Variants in BFAR observed in about 807,000 individuals in gnomAD.
BFAR encodes bifunctional apoptosis regulator, also known as RING finger protein 47.
A neutral mutation model predicts 54.4 loss-of-function variants in BFAR; 52 were observed. The observed-to-expected ratio is 0.96, with a 90% CI of 0.77 to 1.21. BFAR has a LOEUF of 1.21. BFAR is among the 50% of genes most tolerant of loss of function. The pLI, the probability that BFAR is intolerant of heterozygous loss-of-function variation, is 0.00. For synonymous variants in BFAR, 215 were observed against 204.3 expected (o/e 1.05, Z -0.45); for missense variants, 571 against 534.0 (o/e 1.07, Z -0.68).
chr16:14,651,377 A>G (rs560335470), intron 4 of BFAR, among the ~76,000 whole-genome samples: 3 of 152,346 alleles, frequency 2.0e-5, no homozygotes, highest in African/African-American at 7.2e-5. Context: ...GTATGGGGGA[A>G]GGGGCACAGA....
rs977472039 is a variant in BFAR at position 14,648,394 on chromosome 16, C to T, written c.270C>T (p.Ala90=). 6 of 1,610,602 alleles carry T rather than the reference C, an allele frequency of 3.7e-6. No homozygotes were observed. Among genetic ancestry groups the T allele is most frequent in the Non-Finnish European group, 5.1e-6 (6 of 1,177,338 alleles). The change falls in exon 3 of 8, where the codon GCC becomes GCT. Residue 90 remains alanine (A), a synonymous_variant. Transcript: ENST00000261658. The part of the protein sequence containing the change: ...FPKVSILLRD[A]IEKLFPDAIR... ...TTTTTTCTATTCTCCATAGGGATGC[C>T]ATTGAAAAGTTATTTCCTGATGCCA... is the stretch of plus-strand genomic sequence containing the variant.
At chr16:14,634,751 A>G (rs1959380216) in intron 1 of BFAR, among the ~76,000 whole-genome samples, 1 of 152,232 alleles carries the variant, frequency 6.6e-6, no homozygotes, top group South Asian at 2.1e-4. Context: ...TAGGAAGTTT[A>G]GGAAGAATAA....
intron 5 of BFAR, among the ~76,000 whole-genome samples, chr16:14,656,323 C>A (rs980391030): frequency 6.6e-6 from 1 of 152,076 alleles, no homozygotes; most frequent in African/African-American, 2.4e-5. Context: ...CTCAGGAGTT[C>A]AAGACTAGCC....
chr16:14,647,224 A>G (rs1018572758), intron 2 of BFAR, among the ~76,000 whole-genome samples: 7 of 151,990 alleles, frequency 4.6e-5, no homozygotes, highest in Non-Finnish European at 8.8e-5. Flanking sequence ...AGCTGGGATT[A>G]CAGGCGCCCA....
Position 14,668,677 on chromosome 16 carries a change from C to A in BFAR, c.*850C>A, listed in dbSNP as rs1009311956. On this transcript the variant is annotated 3_prime_UTR_variant, in exon 8 of 8. Transcript: ENST00000261658. ...CTTGGCCAACATGGTGAAACCTCAT[C>A]TCTACTAAAAATACAAAAATTAGCC... The A allele has an allele frequency of 2.0e-5, 3 of 153,766 alleles. No individual in the cohort carries two copies. The highest frequency in any genetic ancestry group is 7.2e-5 in the African/African-American group (3 of 41,416). 9.5% of individuals were successfully genotyped at this position (153,766 alleles called of 1,614,324 possible). A position where few individuals can be genotyped will look rare whatever the true frequency, so the allele number is the denominator to read the frequency against.
chr16:14,635,810 T>G (rs1213999652), intron 1 of BFAR, among the ~76,000 whole-genome samples: 3 of 152,130 alleles, frequency 2.0e-5, no homozygotes, highest in Non-Finnish European at 4.4e-5. Flanking sequence ...TTTAATATTT[T>G]TAGTAGATAC....
chr16:14,657,358 C>T (rs930908290), intron 5 of BFAR, among the ~76,000 whole-genome samples: 1 of 151,886 alleles, frequency 6.6e-6, no homozygotes, highest in East Asian at 2.0e-4. Context: ...ACGCCATTCT[C>T]CTGCCTCAGC....
At chr16:14,662,569 G>T (rs1014759670) in intron 6 of BFAR, among the ~76,000 whole-genome samples, 1 of 152,060 alleles carries the variant, frequency 6.6e-6, no homozygotes, top group Admixed American at 6.6e-5. Flanking sequence ...TCCCAGGCTG[G>T]AGTACAGTGG....
chr16:14,649,849 G>A lies in BFAR; in HGVS notation c.514G>A (p.Asp172Asn), dbSNP rs1206475035. Residue 172 changes from aspartate (D) to asparagine (N), a missense_variant, in exon 4 of 8, where the codon GAC (aspartate) becomes AAC (asparagine). Coordinates refer to ENST00000261658, the MANE Select transcript of BFAR (RefSeq NM_016561.3). ...YHWSSRESEH[D>N]LLVHKAVAKW... is the part of the protein sequence containing the mutation. ...CTGGAGCAGCAGGGAATCTGAACAC[G>A]ACCTCCTGGTCCACAAGGCTGTGGC... is the stretch of plus-strand genomic sequence containing the variant. 1.1e-5 allele frequency: 17 copies of A among 1,612,002 alleles called. No homozygotes were observed. Among genetic ancestry groups the A allele is most frequent in the Admixed American group, 5.0e-5 (3 of 59,760 alleles).
Position 14,644,490 on chromosome 16 carries a change from C to G in BFAR, c.144C>G (p.Asn48Lys). The G allele has an allele frequency of 6.2e-7, 1 of 1,614,122 alleles. No individual in the cohort carries two copies. The highest frequency in any genetic ancestry group is 1.1e-5 in the South Asian group (1 of 91,078). ...TCCTGGTTAACCCCACCACCTTGAA[C>G]TGTGGGCACAGCTTCTGCCGTCACT... is the stretch of plus-strand genomic sequence containing the variant. The part of the protein sequence containing the change: ...YDILVNPTTL[N>K]CGHSFCRHCL... Residue 48 changes from asparagine (N) to lysine (K), a missense_variant, in exon 2 of 8, where the codon AAC becomes AAG. Transcript: ENST00000261658.
At chr16:14,654,493 CTTTTTTT>C (rs55673619) in intron 4 of BFAR, among the ~76,000 whole-genome samples, 35 of 89,160 alleles carry the variant, frequency 3.9e-4, no homozygotes, top group Non-Finnish European at 4.9e-4. Context: ...GTGAGTTTTC[CTTTTTTT>C]TTTTTTTTTT....
chr16:14,658,712 G>A (rs976324737), intron 5 of BFAR, among the ~76,000 whole-genome samples: 1 of 151,174 alleles, frequency 6.6e-6, no homozygotes, highest in Non-Finnish European at 1.5e-5. Flanking sequence ...CAGCCTGGGT[G>A]GCAGACCGAG....
chr16:14,651,338 G>T (rs577584046), intron 4 of BFAR, among the ~76,000 whole-genome samples: 1 of 152,290 alleles, frequency 6.6e-6, no homozygotes, highest in East Asian at 1.9e-4. Flanking sequence ...TATTGCAAAA[G>T]ATACAGATAA....
intron 4 of BFAR, among the ~76,000 whole-genome samples, chr16:14,654,223 G>A (rs1217939301): frequency 6.6e-6 from 1 of 151,756 alleles, no homozygotes; most frequent in Non-Finnish European, 1.5e-5. Context: ...GTGTTAGCCA[G>A]GATGGTCTTG....
Position 14,662,088 on chromosome 16 carries a change from A to T in BFAR, c.957+23A>T, listed in dbSNP as rs769618453. On this transcript the variant is annotated intron_variant, in intron 6 of 7. Transcript: ENST00000261658. ...CTGGTAGGTCTGCACAGTGCCTGGA[A>T]TAAAGTTATTCCACTGTCAAGTTAT... 6 of 1,612,740 alleles carry T rather than the reference A, an allele frequency of 3.7e-6. No individual in the cohort carries two copies. The African/African-American group carries it at 6.7e-5, about 18-fold the overall frequency.
chr16:14,635,760 CTTTTTT>C (rs879348101), intron 1 of BFAR, among the ~76,000 whole-genome samples: 2 of 144,762 alleles, frequency 1.4e-5, no homozygotes, highest in South Asian at 2.2e-4. Context: ...GCTTCTCTCT[CTTTTTT>C]TTTTTTTAAG....
intron 5 of BFAR, among the ~76,000 whole-genome samples, chr16:14,657,188 G>C (rs963830708): frequency 3.9e-5 from 6 of 152,052 alleles, no homozygotes; most frequent in Non-Finnish European, 8.8e-5. Context: ...AAGAATGTGC[G>C]TGGAGCTCCT....
Position 14,664,980 on chromosome 16 carries a change from T to G in BFAR, c.1069T>G (p.Trp357Gly). 6 of 1,614,028 alleles carry G rather than the reference T, an allele frequency of 3.7e-6. No homozygotes were observed. The highest frequency in any genetic ancestry group is 5.1e-6 in the Non-Finnish European group (6 of 1,179,852). Reference sequence around the variant, plus strand: ...TTGGGACTGGTTGGAGGTCCATTACTGGACATCACGGTTTCTCATCATCAA... The same window carrying G: ...TTGGGACTGGTTGGAGGTCCATTACGGGACATCACGGTTTCTCATCATCAA... ...FAWDWLEVHYWTSRFLIINAM... is the reference protein window; with the variant it reads ...FAWDWLEVHYGTSRFLIINAM... Residue 357 changes from tryptophan to glycine, a missense_variant, in exon 7 of 8, where the codon TGG becomes GGG. By Grantham distance (184) the Trp-to-Gly change is radical. Coordinates refer to ENST00000261658, the MANE Select transcript of BFAR (RefSeq NM_016561.3).
At chr16:14,644,015 TAG>T (rs947520939) in intron 1 of BFAR, among the ~76,000 whole-genome samples, 1 of 151,760 alleles carries the variant, frequency 6.6e-6, no homozygotes, top group Non-Finnish European at 1.5e-5. Flanking sequence ...TATGAAAAAT[TAG>T]CTGGGTATGG....
Sources: allele counts gnomAD v4.1 joint callset (sites outside exome capture counted in the v4.1 genomes callset), GRCh38; gene constraint gnomAD v4.1.1; transcripts MANE v1.5; gene names NCBI Gene and HGNC (gene_info 2026-07-23, HGNC 2026-07-21).